Variants in ARB2A observed in about 807,000 individuals in gnomAD.
The protein encoded by ARB2A is ARB2 cotranscriptional regulator A.
the ARB2A span, among the ~76,000 whole-genome samples, chr5:93,714,161 T>G: frequency 6.6e-6 from 1 of 152,246 alleles, no homozygotes; most frequent in Non-Finnish European, 1.5e-5. Flanking sequence ...TTTAACAAGC[T>G]GATTACAAAA....
the ARB2A span, among the ~76,000 whole-genome samples, chr5:93,937,700 A>G: frequency 4.6e-5 from 7 of 152,048 alleles, no homozygotes; most frequent in African/African-American, 1.7e-4. Context: ...TTATCCCTCA[A>G]TATCCATGGG....
At chr5:93,896,241 T>C in the ARB2A span, among the ~76,000 whole-genome samples, 1 of 152,048 alleles carries the variant, frequency 6.6e-6, no homozygotes, top group African/African-American at 2.4e-5. Context: ...ATACTACAGA[T>C]TGAGCATCCC....
At chr5:94,064,524 A>T in the ARB2A span, among the ~76,000 whole-genome samples, 4 of 152,214 alleles carry the variant, frequency 2.6e-5, no homozygotes, top group Non-Finnish European at 4.4e-5. Context: ...ATGTAAAAAG[A>T]TCTTCTCCAT....
chr5:93,800,763 C>T, the ARB2A span, among the ~76,000 whole-genome samples: 2 of 152,020 alleles, frequency 1.3e-5, no homozygotes. Flanking sequence ...CTATAATTAT[C>T]GATTGAAAAT....
the ARB2A span, among the ~76,000 whole-genome samples, chr5:93,819,306 T>A: frequency 1.3e-5 from 2 of 152,116 alleles, no homozygotes; most frequent in Non-Finnish European, 2.9e-5. Flanking sequence ...AAGAGCAGTA[T>A]TAGACTCTTT....
the ARB2A span, among the ~76,000 whole-genome samples, chr5:93,903,678 C>T: frequency 6.6e-6 from 1 of 151,022 alleles, no homozygotes; most frequent in African/African-American, 2.4e-5. Context: ...ACAAATCAAC[C>T]ATCAACTGTT....
chr5:93,831,754 T>C, the ARB2A span, among the ~76,000 whole-genome samples: 22 of 152,348 alleles, frequency 1.4e-4, no homozygotes, highest in African/African-American at 5.3e-4. Context: ...CAGTTGTTTC[T>C]ACTGCTTACA....
the ARB2A span, among the ~76,000 whole-genome samples, chr5:93,955,129 C>G: frequency 6.6e-6 from 1 of 152,124 alleles, no homozygotes; most frequent in African/African-American, 2.4e-5. Flanking sequence ...TGTGACTGCT[C>G]ACCGGATTTT....
the ARB2A span, among the ~76,000 whole-genome samples, chr5:94,042,349 T>C: frequency 1.4e-5 from 2 of 143,364 alleles, no homozygotes; most frequent in African/African-American, 5.2e-5. Flanking sequence ...AGATGGGGTC[T>C]CGCTCTGTAG....
chr5:93,732,311 G>A, the ARB2A span, among the ~76,000 whole-genome samples: 1 of 151,986 alleles, frequency 6.6e-6, no homozygotes, highest in Admixed American at 6.5e-5. Flanking sequence ...ATATTCATTT[G>A]GTTTCTTCAA....
the ARB2A span, among the ~76,000 whole-genome samples, chr5:93,763,688 C>G: frequency 6.6e-6 from 1 of 152,176 alleles, no homozygotes; most frequent in Non-Finnish European, 1.5e-5. Context: ...AGCTCTGCAA[C>G]AAGCAGACCT....
At chr5:93,859,572 G>T in the ARB2A span, among the ~76,000 whole-genome samples, 1 of 152,122 alleles carries the variant, frequency 6.6e-6, no homozygotes. Context: ...GCCAAAGAGT[G>T]GAAGAGTGAC....
chr5:93,843,006 T>C, the ARB2A span, among the ~76,000 whole-genome samples: 1 of 152,176 alleles, frequency 6.6e-6, no homozygotes, highest in African/African-American at 2.4e-5. Flanking sequence ...TTCCCCACTG[T>C]TGGCAGTCAG....
chr5:93,929,773 A>G, the ARB2A span, among the ~76,000 whole-genome samples: 1 of 152,208 alleles, frequency 6.6e-6, no homozygotes. Context: ...TATCAACTAC[A>G]TAAATTCAAA....
the ARB2A span, among the ~76,000 whole-genome samples, chr5:93,701,359 G>A: frequency 1.5e-4 from 23 of 152,190 alleles, 1 homozygote; most frequent in South Asian, 4.4e-3. Flanking sequence ...TTGATAAAAT[G>A]TGATTCTTAT....
chr5:93,912,326 C>T, the ARB2A span, among the ~76,000 whole-genome samples: 1 of 151,732 alleles, frequency 6.6e-6, no homozygotes, highest in East Asian at 1.9e-4. Flanking sequence ...GTATTTAGTA[C>T]TGTGAATATC....
chr5:93,805,635 G>T, the ARB2A span: 1 of 984,896 alleles, frequency 1.0e-6, no homozygotes, highest in Admixed American at 6.2e-5. Context: ...CTCCAATTTG[G>T]GTCCATACAA....
At chr5:93,844,038 G>GA in the ARB2A span, among the ~76,000 whole-genome samples, 2 of 144,478 alleles carry the variant, frequency 1.4e-5, no homozygotes, top group Non-Finnish European at 3.0e-5. Context: ...CAAGTTTTAA[G>GA]AAAGAAAAAT....
At chr5:94,060,859 A>T in the ARB2A span, among the ~76,000 whole-genome samples, 1 of 152,200 alleles carries the variant, frequency 6.6e-6, no homozygotes, top group South Asian at 2.1e-4. Flanking sequence ...AAAAATCAAC[A>T]TGTAATCCAC....
Sources: gnomAD v4.1 joint callset for allele counts (sites outside exome capture counted in the v4.1 genomes callset) on GRCh38, gnomAD v4.1.1 for gene constraint, MANE v1.5 for transcripts, NCBI Gene and HGNC (gene_info 2026-07-23, HGNC 2026-07-21) for gene names.